Variants in PARD3B observed in about 807,000 individuals in gnomAD.
The protein encoded by PARD3B is partitioning defective 3 homolog B.
In PARD3B, 103 loss-of-function variants were observed where a neutral mutation model predicts 130.2. The observed-to-expected ratio is 0.79, with a 90% confidence interval of 0.67 to 0.93. The LOEUF is 0.93. Ranked by LOEUF, PARD3B falls within the 40% of genes least tolerant of loss-of-function variation. The probability of loss-of-function intolerance (pLI) is 0.00; values close to 1 mark genes in which losing one functional copy is unlikely to be tolerated. For missense variants in PARD3B, 1,609 were observed against 1,499.2 expected, an observed-to-expected ratio of 1.07 and a Z score of -1.21; for synonymous variants, 583 against 553.2, an observed-to-expected ratio of 1.05 and a Z score of -0.76.
intron 16 of PARD3B, among the ~76,000 whole-genome samples, chr2:205,254,726 C>G (rs928705131): frequency 6.6e-6 from 1 of 150,446 alleles, no homozygotes; most frequent in Non-Finnish European, 1.5e-5. Flanking sequence ...TGCAGTGGCG[C>G]GATCTCGGCT....
At chr2:205,220,428 T>A (rs532875528) in intron 15 of PARD3B, among the ~76,000 whole-genome samples, 1 of 152,262 alleles carries the variant, frequency 6.6e-6, no homozygotes, top group Admixed American at 6.5e-5. Context: ...TTCCTATACA[T>A]TTCCAGAAAA....
At chr2:204,848,686 T>C (rs1179801201) in intron 2 of PARD3B, among the ~76,000 whole-genome samples, 2 of 151,506 alleles carry the variant, frequency 1.3e-5, no homozygotes, top group African/African-American at 4.8e-5. Context: ...TATCTATCTA[T>C]TATTTATATA....
intron 2 of PARD3B, among the ~76,000 whole-genome samples, chr2:204,951,573 ACT>A (rs1037995425): frequency 2.0e-5 from 3 of 152,200 alleles, no homozygotes; most frequent in African/African-American, 7.2e-5. Flanking sequence ...TTAGAACATT[ACT>A]TTTTTAATAG....
Position 205,292,111 on chromosome 2 carries a change from G to C in PARD3B, c.2186-8419G>C, listed in dbSNP as rs2041631566. Among the ~76,000 whole-genome samples, 1 of 152,174 alleles carries C rather than the reference G, an allele frequency of 6.6e-6. No individual in the cohort carries two copies. The highest frequency in any genetic ancestry group is 1.5e-5 in the Non-Finnish European group (1 of 68,026). ...AAATTGCTTGGACACCCCAGGTAGAGCTCCAGTGGGACCCAGTGTAGCATG... is the reference window on the plus strand; with the variant it reads ...AAATTGCTTGGACACCCCAGGTAGACCTCCAGTGGGACCCAGTGTAGCATG... On this transcript the variant is annotated intron_variant, in intron 16 of 22. Transcript: ENST00000406610. This position sits in a 1 kb window ranked among gnomAD's most constrained non-coding sequence, Gnocchi z 5.3.
At chr2:205,271,803 T>A (rs544005424) in intron 16 of PARD3B, among the ~76,000 whole-genome samples, 24 of 152,360 alleles carry the variant, frequency 1.6e-4, no homozygotes, top group African/African-American at 5.5e-4. Context: ...ACTTAAAAGT[T>A]ATTTAAATCT....
intron 2 of PARD3B, among the ~76,000 whole-genome samples, chr2:204,706,361 T>C (rs13405087): frequency 0.073 from 10,638 of 146,288 alleles, 1,126 homozygotes; most frequent in African/African-American, 0.23. Flanking sequence ...AGTGAGACTC[T>C]GTCTCAAAAA....
At chr2:205,289,185 G>T (rs1317146033) in intron 16 of PARD3B, among the ~76,000 whole-genome samples, 1 of 152,156 alleles carries the variant, frequency 6.6e-6, no homozygotes, top group African/African-American at 2.4e-5. Context: ...GATAGAAGAT[G>T]ATTTGAAAAG....
chr2:205,038,719 T>A (rs978238407), intron 3 of PARD3B, among the ~76,000 whole-genome samples: 6 of 152,230 alleles, frequency 3.9e-5, no homozygotes, highest in Non-Finnish European at 8.8e-5. Context: ...ATCCATTGTG[T>A]AGTCAGTTGA....
At chr2:205,113,641 C>A (rs1575823555) in intron 6 of PARD3B, 64 bp downstream of exon 6, 2 of 1,239,282 alleles carry the variant, frequency 1.6e-6, no homozygotes, top group South Asian at 2.7e-5. Context: ...GCTCCTTTTC[C>A]CAAATATTTT....
intron 1 of PARD3B, among the ~76,000 whole-genome samples, chr2:204,638,465 T>G (rs116326706): frequency 0.011 from 1,608 of 152,324 alleles, 24 homozygotes; most frequent in African/African-American, 0.037. Context: ...TTTTCACACA[T>G]TGTGTATTAC....
intron 3 of PARD3B, among the ~76,000 whole-genome samples, chr2:204,996,877 A>G (rs7604353): frequency 0.99 from 144,495 of 146,100 alleles, 71,476 homozygotes; most frequent in Middle Eastern, 1. Flanking sequence ...CTTTGACTCG[A>G]AAAGGGAACT....
rs1472717437 is a variant in PARD3B at position 205,011,852 on chromosome 2, A to G, written c.395-35729A>G. Among the ~76,000 whole-genome samples, 7 of 151,612 alleles carry G rather than the reference A, an allele frequency of 4.6e-5. No individual in the cohort carries two copies. The highest frequency in any genetic ancestry group is 1.2e-4 in the African/African-American group (5 of 41,188). ...AGCCTCTGCAGTTATGCCTGGCATC[A>G]TTTAGATCAGAATTGGTCAGCCTAC... On this transcript the variant is annotated intron_variant, in intron 3 of 22. Transcript: ENST00000406610. The surrounding 1 kb of genome is among the most constrained non-coding windows in gnomAD (Gnocchi z 4.1).
At chr2:204,634,694 A>G (rs143397342) in intron 1 of PARD3B, among the ~76,000 whole-genome samples, 1 of 152,290 alleles carries the variant, frequency 6.6e-6, no homozygotes, top group Admixed American at 6.5e-5. Flanking sequence ...ATTTAGATCT[A>G]GAAACTTAAA....
intron 3 of PARD3B, among the ~76,000 whole-genome samples, chr2:205,035,829 C>CTATA (rs58188573): frequency 0.016 from 294 of 18,598 alleles, 8 homozygotes; most frequent in African/African-American, 0.058. Flanking sequence ...ATCTATATAT[C>CTATA]TATATATATA....
chr2:204,753,126 T>A (rs2040529422), intron 2 of PARD3B, among the ~76,000 whole-genome samples: 1 of 152,168 alleles, frequency 6.6e-6, no homozygotes, highest in Non-Finnish European at 1.5e-5. Flanking sequence ...GTCAAAACAC[T>A]CAGACCATTG....
intron 2 of PARD3B, among the ~76,000 whole-genome samples, chr2:204,758,063 T>C (rs953207386): frequency 1.3e-5 from 2 of 152,156 alleles, no homozygotes; most frequent in African/African-American, 4.8e-5. Context: ...CTTTGTTCAG[T>C]TGGGGCCACA....
chr2:205,239,859 T>G (rs1354127152), intron 15 of PARD3B, among the ~76,000 whole-genome samples: 2 of 152,198 alleles, frequency 1.3e-5, no homozygotes, highest in African/African-American at 4.8e-5. Flanking sequence ...TTGGGAAAGC[T>G]TGCTAAGATA....
intron 2 of PARD3B, among the ~76,000 whole-genome samples, chr2:204,697,617 G>C (rs2037677447): frequency 6.6e-6 from 1 of 152,070 alleles, no homozygotes; most frequent in Non-Finnish European, 1.5e-5. Context: ...CCAACTGTCA[G>C]CCTCTGAGGC....
intron 18 of PARD3B, among the ~76,000 whole-genome samples, chr2:205,311,758 T>C (rs2042394842): frequency 6.6e-6 from 1 of 152,224 alleles, no homozygotes; most frequent in Admixed American, 6.5e-5. Flanking sequence ...AATGTAACCA[T>C]GAACTGTTTT....
Sources: allele counts gnomAD v4.1 joint callset (sites outside exome capture counted in the v4.1 genomes callset), GRCh38; gene constraint gnomAD v4.1.1; non-coding constraint Gnocchi (gnomAD v3.1); transcripts MANE v1.5; gene names NCBI Gene and HGNC (gene_info 2026-07-23, HGNC 2026-07-21).